The following TPST1 variants were observed in gnomAD, a reference collection of about 807,000 sequenced individuals.
The protein encoded by TPST1 is protein-tyrosine sulfotransferase 1.
A neutral mutation model predicts 34.8 loss-of-function variants in TPST1; 20 were observed. That is an observed-to-expected ratio of 0.57 (90% CI 0.40 to 0.84). The LOEUF (loss-of-function observed/expected upper bound fraction) is 0.84, where lower values mean the gene tolerates loss of function less well. TPST1 is among the 40% of genes least tolerant of loss of function. TPST1 has a pLI of 0.00. For synonymous variants in TPST1, 152 were observed against 159.4 expected (o/e 0.95, Z 0.35); for missense variants, 353 against 455.5 (o/e 0.78, Z 2.05).
intron 2 of TPST1, among the ~76,000 whole-genome samples, chr7:66,260,914 T>C (rs942112981): frequency 2.0e-5 from 3 of 152,350 alleles, no homozygotes; most frequent in Admixed American, 6.5e-5. Flanking sequence ...CCTTGTTCTA[T>C]GTGAGTTCTG....
intron 1 of TPST1, among the ~76,000 whole-genome samples, chr7:66,223,809 A>G (rs1284821928): frequency 6.6e-6 from 1 of 152,198 alleles, no homozygotes; most frequent in East Asian, 1.9e-4. Flanking sequence ...CAGTGAGCTC[A>G]TAGCAGTCTA....
chr7:66,233,338 T>G (rs1004019051), intron 1 of TPST1, among the ~76,000 whole-genome samples: 21 of 152,180 alleles, frequency 1.4e-4, no homozygotes, highest in African/African-American at 4.8e-4. Flanking sequence ...TGGTTTTAGC[T>G]TATACATTTA....
intron 3 of TPST1, among the ~76,000 whole-genome samples, chr7:66,301,801 G>T (rs998699496): frequency 6.6e-6 from 1 of 152,086 alleles, no homozygotes; most frequent in Non-Finnish European, 1.5e-5. Flanking sequence ...ATCTCTGATC[G>T]CACATCACCG....
chr7:66,340,384 T>C (rs1299314947), intron 3 of TPST1, among the ~76,000 whole-genome samples: 2 of 152,262 alleles, frequency 1.3e-5, no homozygotes, highest in East Asian at 3.9e-4. Context: ...CTTGAGGTCC[T>C]AGCCCAAGCA....
At chr7:66,249,652 T>G (rs1178456321) in intron 2 of TPST1, among the ~76,000 whole-genome samples, 1 of 152,218 alleles carries the variant, frequency 6.6e-6, no homozygotes, top group Non-Finnish European at 1.5e-5. Context: ...TGAGAACCAC[T>G]GCTTAAAATC....
At chr7:66,299,356 A>G (rs1478287688) in intron 3 of TPST1, among the ~76,000 whole-genome samples, 3 of 118,228 alleles carry the variant, frequency 2.5e-5, no homozygotes, top group Admixed American at 8.6e-5. Context: ...ATTTGAGAAT[A>G]TTTTGCTGGA....
chr7:66,295,891 T>G (rs948902817), intron 3 of TPST1, among the ~76,000 whole-genome samples: 4 of 152,210 alleles, frequency 2.6e-5, no homozygotes, highest in Non-Finnish European at 2.9e-5. Flanking sequence ...TCTACCTGCC[T>G]TGGCCTCCCA....
chr7:66,321,523 G>A (rs919222664), intron 3 of TPST1, among the ~76,000 whole-genome samples: 3 of 152,244 alleles, frequency 2.0e-5, no homozygotes, highest in East Asian at 3.8e-4. Context: ...ATAGGAGGCA[G>A]CCAATAGCCA....
chr7:66,300,197 T>G (rs1791286023), intron 3 of TPST1, among the ~76,000 whole-genome samples: 2 of 152,340 alleles, frequency 1.3e-5, no homozygotes, highest in South Asian at 4.1e-4. Flanking sequence ...TTGGGGTGAC[T>G]ATAGCAATTT....
intron 2 of TPST1, among the ~76,000 whole-genome samples, chr7:66,249,533 C>T (rs1160270202): frequency 6.6e-6 from 1 of 152,134 alleles, no homozygotes; most frequent in Admixed American, 6.5e-5. Context: ...ACATACAGAA[C>T]CTTTAAAAGA....
intron 3 of TPST1, among the ~76,000 whole-genome samples, chr7:66,298,112 A>G (rs180885724): frequency 1.0e-3 from 157 of 152,304 alleles, no homozygotes; most frequent in African/African-American, 3.7e-3. Flanking sequence ...TATGGCCAGT[A>G]TATGGTCTTA....
At chr7:66,259,327 C>T (rs1277152304) in intron 2 of TPST1, among the ~76,000 whole-genome samples, 2 of 152,076 alleles carry the variant, frequency 1.3e-5, no homozygotes, top group Non-Finnish European at 2.9e-5. Context: ...TAAAGTTGTT[C>T]ATAATCCTTA....
intron 3 of TPST1, among the ~76,000 whole-genome samples, chr7:66,325,333 T>G (rs1250398399): frequency 6.6e-6 from 1 of 152,168 alleles, no homozygotes; most frequent in African/African-American, 2.4e-5. Context: ...CAAGAGGAGA[T>G]TTGGATGGGG....
chr7:66,273,337 A>G (rs1790741331), intron 2 of TPST1, among the ~76,000 whole-genome samples: 1 of 152,234 alleles, frequency 6.6e-6, no homozygotes, highest in Non-Finnish European at 1.5e-5. Context: ...TATTGTTTAA[A>G]TGGCCACACT....
chr7:66,223,609 G>T (rs1294178607), intron 1 of TPST1, among the ~76,000 whole-genome samples: 1 of 152,076 alleles, frequency 6.6e-6, no homozygotes, highest in South Asian at 2.1e-4. Flanking sequence ...TGAACTTGAT[G>T]AATCTAAAAG....
intron 3 of TPST1, among the ~76,000 whole-genome samples, chr7:66,339,898 G>T (rs917395216): frequency 6.8e-6 from 1 of 147,914 alleles, no homozygotes; most frequent in Non-Finnish European, 1.5e-5. Context: ...GGATGATTCA[G>T]CATACCCAAA....
rs752588856 is a variant in TPST1 at position 66,356,811 on chromosome 7, C to T, written c.1096-14C>T. The stretch of plus-strand genomic sequence containing the variant: ...CTTCAAGGACATTAAAACATCTTTT[C>T]TTTCCTTCAACAGACTGAGCAAGTG... On this transcript the variant is annotated splice_polypyrimidine_tract_variant and intron_variant, in intron 4 of 5. Transcript: ENST00000304842. The T allele has an allele frequency of 6.2e-7, 1 of 1,614,170 alleles. No individual in the cohort carries two copies. The highest frequency in any genetic ancestry group is 1.7e-5 in the Admixed American group (1 of 60,008).
Position 66,356,818 on chromosome 7 carries a change from T to C in TPST1, c.1096-7T>C. On this transcript the variant is annotated splice_polypyrimidine_tract_variant and splice_region_variant and intron_variant, in intron 4 of 5. Transcript: ENST00000304842. ...GACATTAAAACATCTTTTCTTTCCT[T>C]CAACAGACTGAGCAAGTGGAGTAGC... The C allele has an allele frequency of 1.2e-6, 2 of 1,614,156 alleles. No homozygotes were observed. Among genetic ancestry groups the C allele is most frequent in the Non-Finnish European group, 1.7e-6 (2 of 1,180,016 alleles).
chr7:66,254,013 A>AG (rs1212948850), intron 2 of TPST1, among the ~76,000 whole-genome samples: 1 of 151,316 alleles, frequency 6.6e-6, no homozygotes, highest in Non-Finnish European at 1.5e-5. Flanking sequence ...AAAAAAAAAA[A>AG]AAAAAAAGAA....
Sources: allele counts gnomAD v4.1 joint callset (sites outside exome capture counted in the v4.1 genomes callset), GRCh38; gene constraint gnomAD v4.1.1; transcripts MANE v1.5; gene names NCBI Gene and HGNC (gene_info 2026-07-23, HGNC 2026-07-21).